SRD5A2: variants seen among roughly 807,000 people sequenced by gnomAD.
The protein encoded by SRD5A2 is steroid 5 alpha-reductase 2.
SRD5A2 carries 30 observed loss-of-function variants against 27.4 expected under a neutral mutation model. The ratio of observed to expected loss-of-function variants is 1.10; its 90% confidence interval spans 0.82 to 1.49. SRD5A2 has a LOEUF of 1.49. SRD5A2 is among the 40% of genes most tolerant of loss of function. The probability of loss-of-function intolerance (pLI) is 0.00; values close to 1 mark genes in which losing one functional copy is unlikely to be tolerated. For synonymous variants in SRD5A2, 141 were observed against 133.6 expected (o/e 1.06, Z -0.38); for missense variants, 348 against 323.4 (o/e 1.08, Z -0.58).
the SRD5A2 span, among the ~76,000 whole-genome samples, chr2:31,636,873 C>G: frequency 2.0e-5 from 3 of 152,000 alleles, no homozygotes; most frequent in Non-Finnish European, 4.4e-5. Flanking sequence ...ATTAAGTTTG[C>G]TAGCATTTGG....
intron 2 of SRD5A2, among the ~76,000 whole-genome samples, chr2:31,532,114 T>C (rs1466603432): frequency 6.6e-6 from 1 of 152,052 alleles, no homozygotes; most frequent in Non-Finnish European, 1.5e-5. Flanking sequence ...GGACCACAGG[T>C]AAACATGCTA....
chr2:31,581,098 G>A (rs1572375437), upstream of SRD5A2: 3 of 599,032 alleles, frequency 5.0e-6, no homozygotes, highest in East Asian at 3.0e-5. Context: ...ATGCAGCCGC[G>A]GTGGCCGGAG....
the SRD5A2 span, among the ~76,000 whole-genome samples, chr2:31,629,867 A>G: frequency 6.6e-6 from 1 of 152,146 alleles, no homozygotes; most frequent in Non-Finnish European, 1.5e-5. Context: ...CCTCCTAGGT[A>G]CCAATGGTTC....
the SRD5A2 span, among the ~76,000 whole-genome samples, chr2:31,622,561 G>C: frequency 2.0e-5 from 3 of 152,088 alleles, no homozygotes; most frequent in East Asian, 5.8e-4. Flanking sequence ...GTCGGGCATC[G>C]TCGTGGAGAA....
At chr2:31,549,261 C>T (rs1666334415) in intron 1 of SRD5A2, among the ~76,000 whole-genome samples, 1 of 151,644 alleles carries the variant, frequency 6.6e-6, no homozygotes, top group South Asian at 2.1e-4. Flanking sequence ...TATAGGTGCC[C>T]ACCACCACAC....
At chr2:31,593,013 A>C in the SRD5A2 span, among the ~76,000 whole-genome samples, 3 of 152,184 alleles carry the variant, frequency 2.0e-5, no homozygotes, top group African/African-American at 4.8e-5. Context: ...CGCAAGGACA[A>C]AAAACCAAAC....
chr2:31,586,262 A>G, the SRD5A2 span, among the ~76,000 whole-genome samples: 1 of 152,092 alleles, frequency 6.6e-6, no homozygotes, highest in East Asian at 1.9e-4. Flanking sequence ...GTAGACTTCA[A>G]AGGTTTTTTA....
Position 31,526,139 on chromosome 2 carries a change from A to G in SRD5A2, c.*57T>C. ...ATATCATGAAAATTACAGTTTCAGC[A>G]GCTTGACAGTTTTCATCAGCATTGT... On this transcript the variant is annotated 3_prime_UTR_variant, in exon 5 of 5. Transcript: ENST00000622030. The G allele has an allele frequency of 9.1e-7, 1 of 1,102,110 alleles. No individual in the cohort carries two copies. Among genetic ancestry groups the G allele is most frequent in the Non-Finnish European group, 1.3e-6 (1 of 743,394 alleles). The allele number at this position is 1,102,110 out of a possible 1,614,324, so 68.3% of individuals were successfully genotyped here.
At chr2:31,630,720 T>G in the SRD5A2 span, among the ~76,000 whole-genome samples, 1 of 152,206 alleles carries the variant, frequency 6.6e-6, no homozygotes, top group Non-Finnish European at 1.5e-5. Flanking sequence ...AAAGGTAGCT[T>G]ACTAACTCAA....
intron 1 of SRD5A2, among the ~76,000 whole-genome samples, chr2:31,573,654 C>T (rs1666896548): frequency 6.6e-6 from 1 of 152,180 alleles, no homozygotes; most frequent in African/African-American, 2.4e-5. Context: ...CTTCCACTGT[C>T]CCTCACCCAT....
chr2:31,561,557 A>G (rs1389802548), intron 1 of SRD5A2, among the ~76,000 whole-genome samples: 1 of 152,170 alleles, frequency 6.6e-6, no homozygotes, highest in Non-Finnish European at 1.5e-5. Flanking sequence ...GAAAACCTTT[A>G]AGTTCCCTGC....
chr2:31,536,731 C>T (rs1666033716), intron 1 of SRD5A2, among the ~76,000 whole-genome samples: 1 of 152,188 alleles, frequency 6.6e-6, no homozygotes, highest in East Asian at 1.9e-4. Flanking sequence ...AAGACAATGA[C>T]AGAAGCGGGA....
the SRD5A2 span, among the ~76,000 whole-genome samples, chr2:31,597,188 G>T: frequency 6.6e-6 from 1 of 152,064 alleles, no homozygotes; most frequent in Non-Finnish European, 1.5e-5. Context: ...ATAGCCAACT[G>T]ATCTTTGACA....
intron 1 of SRD5A2, among the ~76,000 whole-genome samples, chr2:31,541,364 C>CA (rs1020973086): frequency 1.5e-3 from 217 of 144,088 alleles, no homozygotes; most frequent in African/African-American, 4.6e-3. Context: ...ACAAGGCATT[C>CA]AAAAAAAAAA....
At chr2:31,586,893 T>G in the SRD5A2 span, among the ~76,000 whole-genome samples, 1 of 152,172 alleles carries the variant, frequency 6.6e-6, no homozygotes. Context: ...TAAGGCACCA[T>G]GGACCAATCC....
At chr2:31,618,005 A>G in the SRD5A2 span, among the ~76,000 whole-genome samples, 1 of 152,344 alleles carries the variant, frequency 6.6e-6, no homozygotes, top group African/African-American at 2.4e-5. Context: ...TGATACTGAT[A>G]AAGACATACC....
chr2:31,542,181 A>G (rs1302573138), intron 1 of SRD5A2, among the ~76,000 whole-genome samples: 1 of 152,240 alleles, frequency 6.6e-6, no homozygotes, highest in African/African-American at 2.4e-5. Flanking sequence ...AAGGAAAGGA[A>G]AGCAAAGAGT....
the SRD5A2 span, among the ~76,000 whole-genome samples, chr2:31,592,654 G>C: frequency 6.6e-6 from 1 of 152,188 alleles, no homozygotes; most frequent in Non-Finnish European, 1.5e-5. Flanking sequence ...GGATAGGGTA[G>C]AGCACCACAT....
At chr2:31,623,638 T>C in the SRD5A2 span, among the ~76,000 whole-genome samples, 23 of 152,104 alleles carry the variant, frequency 1.5e-4, no homozygotes, top group African/African-American at 5.5e-4. Context: ...GAGTCTCAAA[T>C]GTTGAATAGG....
Sources: gnomAD v4.1 joint callset for allele counts (sites outside exome capture counted in the v4.1 genomes callset) on GRCh38, gnomAD v4.1.1 for gene constraint, MANE v1.5 for transcripts, NCBI Gene and HGNC (gene_info 2026-07-23, HGNC 2026-07-21) for gene names.